Variants in VPS13C observed in about 807,000 individuals in gnomAD.
The protein encoded by VPS13C is vacuolar protein sorting 13 homolog C, also known as intermembrane lipid transfer protein VPS13C.
VPS13C carries 358 observed loss-of-function variants against 456.8 expected under a neutral mutation model. The ratio of observed to expected loss-of-function variants is 0.78; its 90% CI spans 0.72 to 0.86. The LOEUF (loss-of-function observed/expected upper bound fraction) is 0.86. Among genes scored for constraint, VPS13C ranks in the 40% least tolerant of loss-of-function variants. VPS13C has a pLI of 0.00. For synonymous variants in VPS13C, 1,578 were observed against 1,486.7 expected (o/e 1.06, Z -1.41); for missense variants, 4,818 against 4,385.4 (o/e 1.10, Z -2.79).
At chr15:61,987,544 C>G (rs1033135592) in intron 18 of VPS13C, among the ~76,000 whole-genome samples, 1 of 151,072 alleles carries the variant, frequency 6.6e-6, no homozygotes, top group Non-Finnish European at 1.5e-5. Flanking sequence ...CCCCATGATT[C>G]AATTATTACC....
Position 61,868,707 on chromosome 15 carries a change from G to A in VPS13C, c.10815C>T (p.Ile3605=). Residue 3605 remains isoleucine, a synonymous_variant, in exon 81 of 85, where the codon ATC becomes ATT. Coordinates refer to ENST00000644861, the MANE Select transcript of VPS13C (RefSeq NM_020821.3). ...RPPRLIHEDG[I]IRPYDRQESE... ...ATTCCTGTCTGTCATAAGGACGAAT[G>A]ATGCCATCTTCATGGATCAGGCGAG... 1 of 1,614,132 alleles carries A rather than the reference G, an allele frequency of 6.2e-7. No individual in the cohort carries two copies. The highest frequency in any genetic ancestry group is 1.7e-5 in the Admixed American group (1 of 60,016).
At chr15:62,001,355 T>C (rs1444388273) in intron 15 of VPS13C, among the ~76,000 whole-genome samples, 2 of 152,332 alleles carry the variant, frequency 1.3e-5, no homozygotes, top group East Asian at 1.9e-4. Flanking sequence ...ACACTGGTGA[T>C]TGTGATATAC....
Position 62,034,708 on chromosome 15 carries a change from T to C in VPS13C, c.283+249A>G, listed in dbSNP as rs189152224. 5.9e-5 allele frequency among the ~76,000 whole-genome samples: 9 copies of C among 151,966 alleles called. No homozygotes were observed. In the East Asian group the frequency reaches 1.7e-3, roughly 29 times the overall value. ...CAGGAAGCCTTAGTTGCAAAACAAG[T>C]ACTCTTAGAAAACAGAATAAATTGA... is the stretch of plus-strand genomic sequence containing the variant. On this transcript the variant is annotated intron_variant, in intron 4 of 84. Transcript: ENST00000644861.
intron 18 of VPS13C, among the ~76,000 whole-genome samples, chr15:61,988,242 G>A (rs1294974229): frequency 6.6e-6 from 1 of 152,162 alleles, no homozygotes; most frequent in Non-Finnish European, 1.5e-5. Flanking sequence ...CTTTTTGGAA[G>A]GATGGAAATG....
intron 22 of VPS13C, among the ~76,000 whole-genome samples, chr15:61,979,453 A>G (rs960694521): frequency 6.6e-6 from 1 of 152,190 alleles, no homozygotes; most frequent in Non-Finnish European, 1.5e-5. Flanking sequence ...CAAATACCAA[A>G]TTTATGCTGA....
chr15:61,942,544 C>CTTT (rs56793702), intron 45 of VPS13C, among the ~76,000 whole-genome samples: 14 of 129,152 alleles, frequency 1.1e-4, no homozygotes, highest in Non-Finnish European at 8.4e-5. Context: ...TCTGATAAGG[C>CTTT]TTTTTTTTTT....
At chr15:61,918,046 CT>C in intron 59 of VPS13C, 89 bp downstream of exon 59, 1 of 1,353,910 alleles carries the variant, frequency 7.4e-7, no homozygotes, top group South Asian at 1.5e-5. Context: ...TTTTACTGAT[CT>C]TTAGTTAATA....
intron 66 of VPS13C, among the ~76,000 whole-genome samples, chr15:61,899,587 C>A (rs1429510596): frequency 6.7e-5 from 10 of 149,218 alleles, no homozygotes; most frequent in South Asian, 4.2e-4. Context: ...CTGAATAGAC[C>A]AATAACAGGA....
intron 4 of VPS13C, 83 bp from the exon 5 acceptor site, chr15:62,033,625 G>T (rs919028066): frequency 1.1e-6 from 1 of 879,662 alleles, no homozygotes; most frequent in African/African-American, 1.8e-5. Context: ...CATTAGGATT[G>T]TGTAAGTGTA....
At position 61,861,209 on chromosome 15, in the gene VPS13C, C is replaced by T. The variant is rs1033438350; in HGVS notation, c.10952+2231G>A. ...AACTCCCAACCTCAAGTGATCCGCC[C>T]GCCTCGGCCTCTCAAAAGTGCTGGG... On this transcript the variant is annotated intron_variant, in intron 82 of 84. Transcript: ENST00000644861. Among the ~76,000 whole-genome samples, 44 of 151,914 alleles carry T rather than the reference C, an allele frequency of 2.9e-4. 1 individual carries two copies. The highest frequency in any genetic ancestry group is 5.8e-4 in the East Asian group (3 of 5,166).
intron 14 of VPS13C, among the ~76,000 whole-genome samples, chr15:62,008,168 T>C (rs187707453): frequency 2.6e-5 from 4 of 151,644 alleles, no homozygotes; most frequent in African/African-American, 4.8e-5. Context: ...GAGGTGGAGG[T>C]TGCAATGAGC....
rs770982271 is a variant in VPS13C at position 61,973,521 on chromosome 15, A to T, written c.2550T>A (p.Ile850=). ...AQSPERQVSS[I]PIISGGTKGL... ...CTTTTGTACCACCTGAAATAATAGG[A>T]ATTGAGGATACCTAGCAAAGAATAC... Residue 850 remains isoleucine, a synonymous_variant, in exon 26 of 85, where the codon ATT becomes ATA. Transcript: ENST00000644861. 1.1e-5 allele frequency: 17 copies of T among 1,612,012 alleles called. No homozygotes were observed. The highest frequency in any genetic ancestry group is 5.9e-6 in the Non-Finnish European group (7 of 1,178,536).
intron 80 of VPS13C, among the ~76,000 whole-genome samples, chr15:61,869,261 G>A (rs1264627099): frequency 6.6e-6 from 1 of 151,864 alleles, no homozygotes; most frequent in African/African-American, 2.4e-5. Flanking sequence ...AGGATTACAG[G>A]TGCCCGCCAC....
At chr15:61,881,947 C>A in intron 69 of VPS13C, 119 bp from the exon 70 acceptor site, 2 of 866,582 alleles carry the variant, frequency 2.3e-6, no homozygotes, top group Non-Finnish European at 3.5e-6. Flanking sequence ...CGTGTATATG[C>A]GGTGTAATTA....
chr15:61,943,554 C>G lies in VPS13C; in HGVS notation c.5149-1487G>C, dbSNP rs183200506. Among the ~76,000 whole-genome samples the G allele has an allele frequency of 1.9e-3, 285 of 152,244 alleles. 4 individuals are homozygous for G. Among genetic ancestry groups the G allele is most frequent in the Admixed American group, 0.016 (248 of 15,296 alleles). On this transcript the variant is annotated intron_variant, in intron 45 of 84. Coordinates refer to ENST00000644861, the MANE Select transcript of VPS13C (RefSeq NM_020821.3). ...TATTCAGTAAATGGTGCTGAGATAG[C>G]TGGCTAGCCATATGCAAAAGAATGA...
At chr15:61,882,849 C>CTT in intron 68 of VPS13C, 113 bp from the exon 69 acceptor site, 1 of 1,150,898 alleles carries the variant, frequency 8.7e-7, no homozygotes, top group Non-Finnish European at 1.2e-6. Context: ...TATGTCTCAC[C>CTT]AACAGATCTA....
intron 40 of VPS13C, 44 bp downstream of exon 40, chr15:61,950,895 TAACTTC>T: frequency 4.9e-6 from 6 of 1,230,808 alleles, no homozygotes; most frequent in East Asian, 2.5e-5. Flanking sequence ...AAGGGTAATA[TAACTTC>T]ATATATTCAA....
rs545182804 is a variant in VPS13C, at chr15:61,873,515, AT to A, written c.10415-107del. The A allele has an allele frequency of 1.0e-3, 1,168 of 1,136,080 alleles. 13 individuals are homozygous for A. The highest frequency in any genetic ancestry group is 2.4e-4 in the Non-Finnish European group (193 of 808,064). 70.4% of individuals were successfully genotyped at this position (1,136,080 alleles called of 1,614,324 possible). On this transcript the variant is annotated intron_variant, in intron 77 of 84. Coordinates refer to ENST00000644861, the MANE Select transcript of VPS13C (RefSeq NM_020821.3). The stretch of plus-strand genomic sequence containing the variant: ...ATTTTAAAATAGGCAAACGATCTGA[AT>A]AAATATTTCTGAAAAGGAGACATAC...
intron 3 of VPS13C, 29 bp from the exon 4 acceptor site, chr15:62,035,081 T>A (rs762217459): frequency 3.9e-6 from 6 of 1,535,294 alleles, no homozygotes; most frequent in Non-Finnish European, 5.4e-6. Context: ...AACCTTAAAT[T>A]ATTATTTGAC....
Sources: gnomAD v4.1 joint callset for allele counts (sites outside exome capture counted in the v4.1 genomes callset) on GRCh38, gnomAD v4.1.1 for gene constraint, MANE v1.5 for transcripts, NCBI Gene and HGNC (gene_info 2026-07-23, HGNC 2026-07-21) for gene names.